The following RGS9 variants were observed in gnomAD, a reference collection of about 807,000 sequenced individuals.
The protein encoded by RGS9 is regulator of G protein signaling 9.
RGS9 carries 78 observed loss-of-function variants against 102.0 expected under a neutral mutation model. The ratio of observed to expected loss-of-function variants is 0.76; its 90% CI spans 0.64 to 0.92. The LOEUF is 0.92. Ranked by LOEUF, RGS9 falls within the 40% of genes least tolerant of loss-of-function variation. The pLI is 0.00. For synonymous variants in RGS9, 353 were observed against 318.6 expected, an observed-to-expected ratio of 1.11 and a Z score of -1.15; for missense variants, 833 against 866.1, an observed-to-expected ratio of 0.96 and a Z score of 0.48.
rs532232143 is a variant in RGS9, at chr17:65,164,170, G to A, written c.500+1081G>A. Among the ~76,000 whole-genome samples, 4 of 152,284 alleles carry A rather than the reference G, an allele frequency of 2.6e-5. No homozygotes were observed. In the South Asian group the frequency reaches 8.3e-4, roughly 32 times the overall value. On this transcript the variant is annotated intron_variant, in intron 7 of 18. Coordinates refer to ENST00000262406, the MANE Select transcript of RGS9 (RefSeq NM_003835.4). ...AACTCTCAGGGGCTGGAAACCACAA[G>A]GTCCATTTCTTGCTGGTGCTCCTCA...
chr17:65,197,346 G>T, intron 13 of RGS9, 105 bp downstream of exon 13: 1 of 792,506 alleles, frequency 1.3e-6, no homozygotes, highest in Admixed American at 2.0e-5. Context: ...TGTTTTCAGA[G>T]CTTTGCTTAT....
rs1339893025 is a variant in RGS9 at position 65,227,493 on chromosome 17, C to G, written c.*86C>G. ...GTATGGGCCACAGGACACACTTGCT[C>G]GAGAACCAAAGTGCATTTGGGTGAC... On this transcript the variant is annotated 3_prime_UTR_variant, in exon 19 of 19. Coordinates refer to ENST00000262406, the MANE Select transcript of RGS9 (RefSeq NM_003835.4). 1 of 1,526,548 alleles carries G rather than the reference C, an allele frequency of 6.6e-7. No homozygotes were observed. The highest frequency in any genetic ancestry group is 8.9e-7 in the Non-Finnish European group (1 of 1,125,318). 94.6% of individuals were successfully genotyped at this position (1,526,548 alleles called of 1,614,324 possible).
At chr17:65,193,810 A>G (rs1283693995) in intron 12 of RGS9, among the ~76,000 whole-genome samples, 154 bp downstream of exon 12, 1 of 152,214 alleles carries the variant, frequency 6.6e-6, no homozygotes, top group Non-Finnish European at 1.5e-5. Context: ...TTACACAAAA[A>G]AGAAACCCTG....
intron 1 of RGS9, among the ~76,000 whole-genome samples, chr17:65,147,943 T>C (rs1598558117): frequency 6.6e-6 from 1 of 152,184 alleles, no homozygotes; most frequent in African/African-American, 2.4e-5. Context: ...ACACGAGATC[T>C]ACCCTTTCAA....
At chr17:65,202,440 T>A (rs1373283645) in intron 14 of RGS9, among the ~76,000 whole-genome samples, 4 of 133,780 alleles carry the variant, frequency 3.0e-5, no homozygotes, top group African/African-American at 1.2e-4. Flanking sequence ...TGTGTGTGTG[T>A]GTGTGAGAGA....
chr17:65,144,691 A>G (rs895619386), intron 1 of RGS9, among the ~76,000 whole-genome samples: 3 of 152,188 alleles, frequency 2.0e-5, no homozygotes, highest in African/African-American at 4.8e-5. Context: ...GGTCTGCTGA[A>G]GTTTGCAGCA....
chr17:65,138,958 G>GCCCCCCCTCCT (rs1910019194), intron 1 of RGS9, among the ~76,000 whole-genome samples: 2 of 106,366 alleles, frequency 1.9e-5, no homozygotes, highest in African/African-American at 4.0e-5. Context: ...CTCCTCCCCA[G>GCCCCCCCTCCT]CCACCCCTCC....
intron 6 of RGS9, among the ~76,000 whole-genome samples, chr17:65,162,780 A>AT (rs530544432): frequency 3.5e-4 from 53 of 152,142 alleles, no homozygotes; most frequent in Non-Finnish European, 6.8e-4. Context: ...GGATACATTT[A>AT]TTTTTACAAA....
At chr17:65,149,264 G>A (rs907201495) in intron 1 of RGS9, among the ~76,000 whole-genome samples, 10 of 152,130 alleles carry the variant, frequency 6.6e-5, no homozygotes, top group African/African-American at 2.2e-4. Context: ...ATGAGCCATC[G>A]CACCGGGCCT....
intron 18 of RGS9, among the ~76,000 whole-genome samples, chr17:65,225,806 T>C (rs1156597877): frequency 6.6e-6 from 1 of 152,220 alleles, no homozygotes; most frequent in Admixed American, 6.5e-5. Context: ...AAGAAACCCA[T>C]TGCATCTGTA....
At chr17:65,159,033 C>T (rs990382849) in intron 3 of RGS9, among the ~76,000 whole-genome samples, 2 of 152,138 alleles carry the variant, frequency 1.3e-5, no homozygotes, top group South Asian at 2.1e-4. Context: ...TAACTGATGA[C>T]ATTCCACCAC....
intron 16 of RGS9, among the ~76,000 whole-genome samples, chr17:65,209,647 A>G (rs116675347): frequency 6.6e-6 from 1 of 152,296 alleles, no homozygotes; most frequent in African/African-American, 2.4e-5. Context: ...GGCATGTGTC[A>G]AGATATTGCA....
At chr17:65,201,949 A>T (rs776819123) in intron 13 of RGS9, 44 bp from the exon 14 acceptor site, 2 of 1,326,752 alleles carry the variant, frequency 1.5e-6, no homozygotes, top group Non-Finnish European at 2.2e-6. Flanking sequence ...CTTCCAACTT[A>T]TTTCCTGCCC....
chr17:65,194,386 A>G (rs1912501610), intron 12 of RGS9, among the ~76,000 whole-genome samples: 1 of 152,116 alleles, frequency 6.6e-6, no homozygotes, highest in Non-Finnish European at 1.5e-5. Context: ...TTGTGTGGGC[A>G]TATTTTCATT....
At chr17:65,213,007 T>A (rs1913362482) in intron 17 of RGS9, among the ~76,000 whole-genome samples, 1 of 152,212 alleles carries the variant, frequency 6.6e-6, no homozygotes, top group Non-Finnish European at 1.5e-5. Flanking sequence ...GCCCTGGATT[T>A]GGAGAAAGCC....
At chr17:65,168,380 C>A in intron 8 of RGS9, 99 bp downstream of exon 8, 4 of 824,856 alleles carry the variant, frequency 4.8e-6, no homozygotes, top group South Asian at 1.4e-5. Context: ...TTCTCTAGGG[C>A]GAGAATTGGA....
intron 6 of RGS9, among the ~76,000 whole-genome samples, chr17:65,161,725 T>C (rs995686551): frequency 1.3e-5 from 2 of 148,432 alleles, no homozygotes; most frequent in African/African-American, 5.2e-5. Flanking sequence ...TTTATTTATT[T>C]ATTTATTTAT....
In RGS9 at chr17:65,173,416, C is replaced by T. The variant is rs1286228353; in HGVS notation, c.583-4316C>T. ...CCGTCAGCTCCACGCTGGCCTTGCT[C>T]TGTATGTGGGTTCCTGGGAACATCG... On this transcript the variant is annotated intron_variant, in intron 8 of 18. Transcript: ENST00000262406. The surrounding 1 kb of genome is among the most constrained non-coding windows in gnomAD (Gnocchi z 4.8). Among the ~76,000 whole-genome samples the T allele has an allele frequency of 6.6e-6, 1 of 151,972 alleles. No individual in the cohort carries two copies. Among genetic ancestry groups the T allele is most frequent in the Non-Finnish European group, 1.5e-5 (1 of 68,028 alleles).
At chr17:65,166,169 C>G (rs1911172662) in intron 7 of RGS9, among the ~76,000 whole-genome samples, 1 of 152,224 alleles carries the variant, frequency 6.6e-6, no homozygotes, top group Non-Finnish European at 1.5e-5. Context: ...AGGAGGGTGA[C>G]TGCTGTCCCA....
Sources: allele counts gnomAD v4.1 joint callset (sites outside exome capture counted in the v4.1 genomes callset), GRCh38; gene constraint gnomAD v4.1.1; non-coding constraint Gnocchi (gnomAD v3.1); transcripts MANE v1.5; gene names NCBI Gene and HGNC (gene_info 2026-07-23, HGNC 2026-07-21).